Variants in PCTP observed in about 807,000 individuals in gnomAD.
PCTP encodes phosphatidylcholine transfer protein.
In PCTP, 27 loss-of-function variants were observed where a neutral mutation model predicts 31.0. That is an observed-to-expected ratio of 0.87 (90% confidence interval 0.64 to 1.20). The LOEUF is 1.20. PCTP is among the 50% of genes most tolerant of loss of function. PCTP has a pLI of 0.00. For synonymous variants in PCTP, 108 were observed against 101.2 expected (o/e 1.07, Z -0.40); for missense variants, 287 against 268.2 (o/e 1.07, Z -0.49).
chr17:55,765,232 G>C (rs911910852), intron 1 of PCTP, among the ~76,000 whole-genome samples: 10 of 152,164 alleles, frequency 6.6e-5, no homozygotes, highest in African/African-American at 2.4e-4. Flanking sequence ...TATGCCACAT[G>C]GCTATTTAAA....
chr17:55,759,373 A>G (rs537817585), intron 1 of PCTP, among the ~76,000 whole-genome samples: 2 of 152,330 alleles, frequency 1.3e-5, no homozygotes, highest in African/African-American at 4.8e-5. Context: ...TAGACCTATC[A>G]CATTTTCTTA....
chr17:55,803,430 G>C (rs941113398), intron 3 of PCTP, among the ~76,000 whole-genome samples: 2 of 152,148 alleles, frequency 1.3e-5, no homozygotes, highest in Non-Finnish European at 2.9e-5. Flanking sequence ...GAACGAAGCT[G>C]AAGGCATCAC....
downstream of PCTP, among the ~76,000 whole-genome samples, chr17:55,824,265 C>T (rs2145068720): frequency 6.6e-6 from 1 of 152,086 alleles, no homozygotes; most frequent in Middle Eastern, 3.4e-3. Flanking sequence ...ACCCACCTGC[C>T]TGTTAAACTG....
intron 5 of PCTP, among the ~76,000 whole-genome samples, chr17:55,834,665 A>G (rs2145084380): frequency 6.6e-6 from 1 of 152,258 alleles, no homozygotes; most frequent in South Asian, 2.1e-4. Context: ...GAGTTTTCTG[A>G]AAATAGGGGA....
intron 3 of PCTP, chr17:55,822,695 G>A (rs1913153728): frequency 2.3e-6 from 2 of 877,966 alleles, no homozygotes; most frequent in Admixed American, 4.3e-5. Flanking sequence ...GCATCCTGAA[G>A]TATCCCCAGG....
At chr17:55,765,696 C>T (rs1009375190) in intron 1 of PCTP, among the ~76,000 whole-genome samples, 7 of 152,182 alleles carry the variant, frequency 4.6e-5, no homozygotes, top group Admixed American at 2.0e-4. Context: ...AACTGAATTA[C>T]GAATCAGATC....
Position 55,776,023 on chromosome 17 carries a change from T to C in PCTP, c.580-12T>C. The C allele has an allele frequency of 6.2e-7, 1 of 1,613,778 alleles. No individual in the cohort carries two copies. The highest frequency in any genetic ancestry group is 1.7e-5 in the Admixed American group (1 of 59,982). ...TGAAGACATAGAAATGACAGTCTCA[T>C]TTCCTTTGCAGAATGGAGTTCCTAA... On this transcript the variant is annotated splice_polypyrimidine_tract_variant and intron_variant, in intron 5 of 5. Transcript: ENST00000268896.
intron 5 of PCTP, among the ~76,000 whole-genome samples, chr17:55,841,265 T>A (rs1312943260): frequency 6.6e-6 from 1 of 152,120 alleles, no homozygotes; most frequent in African/African-American, 2.4e-5. Flanking sequence ...ACTAGACGGG[T>A]TCACAGCTTG....
rs1329462960 is a variant in PCTP at position 55,751,425 on chromosome 17, T to G, written c.141+181T>G. 3 of 1,534,188 alleles carry G rather than the reference T, an allele frequency of 2.0e-6. No homozygotes were observed. The Admixed American group carries it at 5.9e-5, about 30-fold the overall frequency. The stretch of plus-strand genomic sequence containing the variant: ...CTAGCGCAGGGGCGGTGCCTCCAAG[T>G]GACTGCCGTGCAGATCCAGGGGAGT... On this transcript the variant is annotated intron_variant, in intron 1 of 5. Coordinates refer to ENST00000268896, the MANE Select transcript of PCTP (RefSeq NM_021213.4).
At chr17:55,792,397 T>C (rs1052230682) in intron 3 of PCTP, among the ~76,000 whole-genome samples, 3 of 151,934 alleles carry the variant, frequency 2.0e-5, no homozygotes, top group Non-Finnish European at 2.9e-5. Flanking sequence ...GGAGGGAATG[T>C]AGCTACTGAA....
At chr17:55,766,285 A>C (rs916364677) in intron 1 of PCTP, among the ~76,000 whole-genome samples, 3 of 149,792 alleles carry the variant, frequency 2.0e-5, no homozygotes, top group African/African-American at 7.4e-5. Context: ...TTATACTTTA[A>C]GTTTTAGGGT....
chr17:55,775,111 G>A (rs1911257143), intron 5 of PCTP, among the ~76,000 whole-genome samples: 1 of 152,072 alleles, frequency 6.6e-6, no homozygotes, highest in Non-Finnish European at 1.5e-5. Flanking sequence ...CCAGGACCCC[G>A]CCAGAATCAC....
intron 5 of PCTP, among the ~76,000 whole-genome samples, chr17:55,828,836 G>A (rs540131768): frequency 5.9e-5 from 9 of 152,320 alleles, no homozygotes; most frequent in Middle Eastern, 6.8e-3. Flanking sequence ...TAAGGAAACC[G>A]ATATTTGGAC....
intron 3 of PCTP, among the ~76,000 whole-genome samples, chr17:55,798,737 A>G (rs1912269642): frequency 6.6e-6 from 1 of 151,980 alleles, no homozygotes; most frequent in Admixed American, 6.6e-5. Context: ...CTAAAAGAAG[A>G]TATTTGTATA....
intron 3 of PCTP, among the ~76,000 whole-genome samples, chr17:55,810,605 A>G (rs9909000): frequency 0.21 from 31,854 of 152,186 alleles, 3,885 homozygotes; most frequent in African/African-American, 0.34. Flanking sequence ...TCCCTAAAAC[A>G]TAACAGAGCC....
intron 3 of PCTP, among the ~76,000 whole-genome samples, chr17:55,794,751 G>A (rs1912127994): frequency 6.6e-6 from 1 of 151,928 alleles, no homozygotes; most frequent in Non-Finnish European, 1.5e-5. Flanking sequence ...TTGACCCTTT[G>A]TGTGAGCTCT....
chr17:55,757,519 T>TAC (rs576802579), intron 1 of PCTP, among the ~76,000 whole-genome samples: 122 of 145,194 alleles, frequency 8.4e-4, no homozygotes, highest in Non-Finnish European at 9.5e-4. Context: ...TGTATATATA[T>TAC]ACACACACAT....
chr17:55,815,666 A>G (rs28686950), intron 3 of PCTP, among the ~76,000 whole-genome samples: 7,242 of 152,222 alleles, frequency 0.048, 545 homozygotes, highest in African/African-American at 0.16. Flanking sequence ...AGTCTAAAGG[A>G]AAAAAATCCC....
chr17:55,790,886 G>A lies in PCTP; in HGVS notation c.317+3232G>A, dbSNP rs9674531. 9.0e-3 allele frequency among the ~76,000 whole-genome samples: 1,296 copies of A among 144,750 alleles called. 28 individuals carry two copies. The highest frequency in any genetic ancestry group is 0.033 in the African/African-American group (1,165 of 34,878). 95.0% of individuals were successfully genotyped at this position (144,750 alleles called of 152,430 possible). On this transcript the variant is annotated intron_variant, in intron 3 of 3. Transcript: ENST00000572536. ...AAAAGAACAAAGCTGGAGGCATCAC[G>A]CTACCTGACTTCAAACTGTACTACA...
Sources: gnomAD v4.1 joint callset for allele counts (sites outside exome capture counted in the v4.1 genomes callset) on GRCh38, gnomAD v4.1.1 for gene constraint, MANE v1.5 for transcripts, NCBI Gene and HGNC (gene_info 2026-07-23, HGNC 2026-07-21) for gene names.